Variants in ZFHX3 observed in about 807,000 individuals in gnomAD.
ZFHX3 encodes zinc finger homeobox 3.
A neutral mutation model predicts 279.1 loss-of-function variants in ZFHX3; 42 were observed. The observed-to-expected ratio is 0.15, with a 90% CI of 0.12 to 0.19. The LOEUF is 0.19. ZFHX3 is among the 10% of genes least tolerant of loss of function. The pLI, the probability that ZFHX3 is intolerant of heterozygous loss-of-function variation, is 1.00. For missense variants in ZFHX3, 4,981 were observed against 4,754.0 expected (o/e 1.05, Z -1.40); for synonymous variants, 2,293 against 1,957.8 (o/e 1.17, Z -4.52).
At chr16:72,975,997 G>A (rs1249678382) in intron 1 of ZFHX3, among the ~76,000 whole-genome samples, 1 of 152,160 alleles carries the variant, frequency 6.6e-6, no homozygotes, top group East Asian at 1.9e-4. Context: ...GAACACCCTG[G>A]TTAGGTCTGG....
intron 2 of ZFHX3, among the ~76,000 whole-genome samples, chr16:73,526,279 TG>T (rs2019693282): frequency 6.6e-6 from 1 of 152,220 alleles, no homozygotes; most frequent in Non-Finnish European, 1.5e-5. Flanking sequence ...AAGGGTCGCT[TG>T]ATTAACGAGT....
At chr16:73,004,381 C>CACAGTGGTG (rs1263947597) in intron 1 of ZFHX3, among the ~76,000 whole-genome samples, 12 of 131,370 alleles carry the variant, frequency 9.1e-5, no homozygotes, top group African/African-American at 3.5e-4. Flanking sequence ...CAGGCTGGAG[C>CACAGTGGTG]ACAGTGGTGC....
At chr16:73,132,938 T>C (rs1966718844) in intron 6 of ZFHX3, among the ~76,000 whole-genome samples, 1 of 152,190 alleles carries the variant, frequency 6.6e-6, no homozygotes, top group Admixed American at 6.5e-5. Context: ...GATGGAGAAA[T>C]TCATGAAGAT....
chr16:73,890,225 G>C (rs1170106397), intron 1 of ZFHX3, among the ~76,000 whole-genome samples: 3 of 129,948 alleles, frequency 2.3e-5, no homozygotes, highest in Non-Finnish European at 3.2e-5. Context: ...AATTGTAAGA[G>C]TGTAAAAAAA....
chr16:72,988,513 A>G (rs905202635), intron 1 of ZFHX3, among the ~76,000 whole-genome samples: 3 of 152,198 alleles, frequency 2.0e-5, no homozygotes, highest in African/African-American at 7.2e-5. Flanking sequence ...CACACCATAT[A>G]CAATCTTCCC....
At chr16:73,607,266 A>T (rs2052198901) in intron 2 of ZFHX3, among the ~76,000 whole-genome samples, 1 of 152,124 alleles carries the variant, frequency 6.6e-6, no homozygotes, top group Admixed American at 6.6e-5. Context: ...TGACCTCGTG[A>T]TCCACCCACC....
At chr16:73,643,554 AACTCAT>A (rs2052592105) in intron 2 of ZFHX3, among the ~76,000 whole-genome samples, 2 of 152,228 alleles carry the variant, frequency 1.3e-5, no homozygotes, top group Non-Finnish European at 2.9e-5. Context: ...CTATGCTTTA[AACTCAT>A]GTTCCATGAA....
intron 2 of ZFHX3, among the ~76,000 whole-genome samples, chr16:73,463,736 C>A (rs1352442990): frequency 6.6e-6 from 1 of 152,106 alleles, no homozygotes; most frequent in African/African-American, 2.4e-5. Flanking sequence ...GAAGCACCAG[C>A]GTAAGAACAA....
intron 2 of ZFHX3, among the ~76,000 whole-genome samples, chr16:73,576,939 C>T (rs1273998217): frequency 6.6e-6 from 1 of 152,138 alleles, no homozygotes; most frequent in Admixed American, 6.5e-5. Flanking sequence ...CCTCATAAGA[C>T]AGCAGATTCA....
rs1380254542 is a variant in ZFHX3, at chr16:72,786,167, C to T, written c.*997G>A. ...TCAACGGATTGCAATCTATCATCTGCTAGGAATGAACAAGACAACATCAAA... is the reference window on the plus strand; with the variant it reads ...TCAACGGATTGCAATCTATCATCTGTTAGGAATGAACAAGACAACATCAAA... On this transcript the variant is annotated 3_prime_UTR_variant, in exon 10 of 10. Coordinates refer to ENST00000268489, the MANE Select transcript of ZFHX3 (RefSeq NM_006885.4). 2 of 151,866 alleles carry T rather than the reference C, an allele frequency of 1.3e-5. No homozygotes were observed. Among genetic ancestry groups the T allele is most frequent in the Non-Finnish European group, 2.9e-5 (2 of 67,994 alleles). 9.4% of individuals were successfully genotyped at this position (151,866 alleles called of 1,614,324 possible). A position where few individuals can be genotyped will look rare whatever the true frequency, so the allele number is the denominator to read the frequency against.
chr16:73,106,398 A>T (rs1597158776), intron 7 of ZFHX3, among the ~76,000 whole-genome samples: 2 of 152,152 alleles, frequency 1.3e-5, no homozygotes, highest in East Asian at 3.9e-4. Context: ...TTGTTCTAGC[A>T]GGATGAGAAC....
intron 1 of ZFHX3, among the ~76,000 whole-genome samples, chr16:72,991,969 G>T (rs1168930636): frequency 2.0e-5 from 3 of 152,164 alleles, no homozygotes; most frequent in Non-Finnish European, 4.4e-5. Flanking sequence ...TATAACGGAG[G>T]ATCCCGTGAA....
intron 1 of ZFHX3, among the ~76,000 whole-genome samples, chr16:73,033,235 AGAG>A (rs1964772519): frequency 6.6e-6 from 1 of 152,100 alleles, no homozygotes. Flanking sequence ...AATGACCTGG[AGAG>A]GAGGACAGAA....
chr16:73,492,436 C>A (rs185521096), intron 2 of ZFHX3, among the ~76,000 whole-genome samples: 6 of 152,294 alleles, frequency 3.9e-5, no homozygotes, highest in Admixed American at 3.9e-4. Flanking sequence ...TAGGAAGTAT[C>A]CCTAACACCA....
intron 3 of ZFHX3, among the ~76,000 whole-genome samples, chr16:73,353,231 A>G (rs2016279591): frequency 6.6e-6 from 1 of 152,196 alleles, no homozygotes; most frequent in African/African-American, 2.4e-5. Context: ...AAATATTCCC[A>G]TTTGTTTAAA....
chr16:73,387,418 G>A (rs73590974), intron 3 of ZFHX3, among the ~76,000 whole-genome samples: 2,332 of 152,266 alleles, frequency 0.015, 75 homozygotes, highest in African/African-American at 0.052. Flanking sequence ...TAAGAAACAA[G>A]GGGTCATGTT....
chr16:73,106,288 A>G (rs1459066527), intron 7 of ZFHX3, among the ~76,000 whole-genome samples: 1 of 151,966 alleles, frequency 6.6e-6, no homozygotes, highest in Non-Finnish European at 1.5e-5. Flanking sequence ...GGAATTTAAC[A>G]TTCTTTTATT....
chr16:73,482,395 G>A (rs536465981), intron 2 of ZFHX3, among the ~76,000 whole-genome samples: 11 of 151,140 alleles, frequency 7.3e-5, no homozygotes, highest in Non-Finnish European at 1.2e-4. Flanking sequence ...CCAGAAAATG[G>A]CATCACGTGT....
At chr16:73,335,210 C>T (rs960390344) in intron 3 of ZFHX3, among the ~76,000 whole-genome samples, 2 of 152,088 alleles carry the variant, frequency 1.3e-5, no homozygotes, top group Non-Finnish European at 1.5e-5. Context: ...CCAAGTGTTA[C>T]GTGCTAGGCC....
Sources: gnomAD v4.1 joint callset for allele counts (sites outside exome capture counted in the v4.1 genomes callset) on GRCh38, gnomAD v4.1.1 for gene constraint, MANE v1.5 for transcripts, NCBI Gene and HGNC (gene_info 2026-07-23, HGNC 2026-07-21) for gene names.